PHF24: variants seen among roughly 807,000 people sequenced by gnomAD.
PHF24 encodes PHD finger protein 24, also known as Galpha inhibitory interacting protein.
PHF24 carries 25 observed loss-of-function variants against 42.6 expected under a neutral mutation model. The ratio of observed to expected loss-of-function variants is 0.59; its 90% confidence interval spans 0.43 to 0.82. The LOEUF (loss-of-function observed/expected upper bound fraction) is 0.82. Ranked by LOEUF, PHF24 falls within the 40% of genes least tolerant of loss-of-function variation. The probability of loss-of-function intolerance (pLI) is 0.00; values close to 1 mark genes in which losing one functional copy is unlikely to be tolerated. For missense variants in PHF24, 470 were observed against 538.1 expected, an observed-to-expected ratio of 0.87 and a Z score of 1.25; for synonymous variants, 185 against 204.8, an observed-to-expected ratio of 0.90 and a Z score of 0.83.
At chr9:34,827,319 C>T in the PHF24 span, among the ~76,000 whole-genome samples, 1 of 152,198 alleles carries the variant, frequency 6.6e-6, no homozygotes, top group African/African-American at 2.4e-5. Flanking sequence ...CTCCTTTGAT[C>T]TTTGGGGATG....
At chr9:34,683,080 A>G in the PHF24 span, among the ~76,000 whole-genome samples, 8 of 135,772 alleles carry the variant, frequency 5.9e-5, no homozygotes, top group Non-Finnish European at 1.1e-4. Context: ...TTTTTTTTTG[A>G]GACAGAGTTT....
chr9:34,793,530 G>T, the PHF24 span, among the ~76,000 whole-genome samples: 1 of 152,200 alleles, frequency 6.6e-6, no homozygotes, highest in Non-Finnish European at 1.5e-5. Flanking sequence ...AGTAGCAGGT[G>T]TATTGGAGAA....
chr9:34,867,140 C>T, the PHF24 span, among the ~76,000 whole-genome samples: 6 of 152,196 alleles, frequency 3.9e-5, no homozygotes, highest in African/African-American at 1.2e-4. Context: ...TGACTTCCCA[C>T]AGAAGCAGAG....
chr9:34,768,293 A>G, the PHF24 span, among the ~76,000 whole-genome samples: 2 of 152,230 alleles, frequency 1.3e-5, no homozygotes, highest in Admixed American at 1.3e-4. Flanking sequence ...GGATCCGGCC[A>G]AAACCACAGA....
the PHF24 span, among the ~76,000 whole-genome samples, chr9:34,813,343 T>C: frequency 2.0e-5 from 3 of 152,186 alleles, no homozygotes; most frequent in Non-Finnish European, 4.4e-5. Flanking sequence ...TACAGCGTTA[T>C]ATTGGTTTTC....
the PHF24 span, among the ~76,000 whole-genome samples, chr9:34,705,368 A>G: frequency 6.6e-6 from 1 of 152,156 alleles, no homozygotes; most frequent in Non-Finnish European, 1.5e-5. Context: ...AGCCCAGGCT[A>G]TATGGCTCCC....
At chr9:34,889,793 A>T in the PHF24 span, among the ~76,000 whole-genome samples, 1 of 152,132 alleles carries the variant, frequency 6.6e-6, no homozygotes, top group African/African-American at 2.4e-5. Context: ...GATCTGAAAA[A>T]AATTTACCCC....
the PHF24 span, among the ~76,000 whole-genome samples, chr9:34,823,149 T>C: frequency 1.5e-5 from 2 of 137,352 alleles, no homozygotes; most frequent in African/African-American, 5.6e-5. Context: ...TGAGCCGAGA[T>C]TGCGCCACTG....
chr9:34,673,910 C>T, the PHF24 span, among the ~76,000 whole-genome samples: 142 of 151,784 alleles, frequency 9.4e-4, no homozygotes, highest in African/African-American at 3.3e-3. Flanking sequence ...TGTGAGCCAC[C>T]GCACCTGGCC....
chr9:34,966,212 T>C (rs971162933), intron 1 of PHF24, among the ~76,000 whole-genome samples: 3 of 152,158 alleles, frequency 2.0e-5, no homozygotes, highest in African/African-American at 7.2e-5. Flanking sequence ...CCTCCCGGAG[T>C]TTCTGATATA....
At chr9:34,671,537 C>T in the PHF24 span, among the ~76,000 whole-genome samples, 1 of 152,168 alleles carries the variant, frequency 6.6e-6, no homozygotes, top group Non-Finnish European at 1.5e-5. Flanking sequence ...AATTCCTGGG[C>T]TAAAACATTG....
chr9:34,777,455 G>T, the PHF24 span, among the ~76,000 whole-genome samples: 6 of 152,182 alleles, frequency 3.9e-5, no homozygotes, highest in Non-Finnish European at 1.5e-5. Context: ...CCCCCAGATT[G>T]TGGCTAGGGC....
At chr9:34,718,189 G>T in the PHF24 span, among the ~76,000 whole-genome samples, 13 of 152,154 alleles carry the variant, frequency 8.5e-5, no homozygotes, top group South Asian at 8.3e-4. Flanking sequence ...ACACATTCTG[G>T]AAATCCCCTA....
At chr9:34,860,342 G>T in the PHF24 span, among the ~76,000 whole-genome samples, 3 of 152,128 alleles carry the variant, frequency 2.0e-5, no homozygotes, top group African/African-American at 7.2e-5. Context: ...TAGAAGAGTT[G>T]TAAAATTGTT....
the PHF24 span, among the ~76,000 whole-genome samples, chr9:34,950,255 G>A: frequency 6.6e-6 from 1 of 151,538 alleles, no homozygotes. Context: ...GGCTGAGGCA[G>A]GGGAATCGCG....
chr9:34,881,790 G>A, the PHF24 span, among the ~76,000 whole-genome samples: 4 of 152,178 alleles, frequency 2.6e-5, no homozygotes, highest in Non-Finnish European at 5.9e-5. Flanking sequence ...GGTACAAAGA[G>A]GAGCTGGTAC....
At chr9:34,918,318 C>T in the PHF24 span, 19 of 926,936 alleles carry the variant, frequency 2.0e-5, no homozygotes, top group Middle Eastern at 2.3e-4. Flanking sequence ...CTCCAGCTGT[C>T]GAGCCCCTCC....
the PHF24 span, among the ~76,000 whole-genome samples, chr9:34,778,192 C>T: frequency 1.3e-5 from 2 of 152,096 alleles, no homozygotes; most frequent in East Asian, 1.9e-4. Flanking sequence ...TCATCAGCCA[C>T]AGTAAGGAGG....
the PHF24 span, among the ~76,000 whole-genome samples, chr9:34,854,185 G>T: frequency 1.1e-5 from 1 of 89,240 alleles, no homozygotes; most frequent in African/African-American, 3.9e-5. Context: ...AGTCTAGCTA[G>T]CAGTCTATCT....
Sources: gnomAD v4.1 joint callset for allele counts (sites outside exome capture counted in the v4.1 genomes callset) on GRCh38, gnomAD v4.1.1 for gene constraint, MANE v1.5 for transcripts, NCBI Gene and HGNC (gene_info 2026-07-23, HGNC 2026-07-21) for gene names.